The following ABLIM1 variants were observed in gnomAD, a reference collection of about 807,000 sequenced individuals.
The protein encoded by ABLIM1 is actin-binding LIM protein 1.
Under a neutral mutation model 107.0 loss-of-function variants are expected in ABLIM1, and 40 were observed. The observed-to-expected ratio is 0.37, with a 90% CI of 0.29 to 0.49. The LOEUF (loss-of-function observed/expected upper bound fraction) is 0.49, where lower values mean the gene tolerates loss of function less well. ABLIM1 is among the 20% of genes least tolerant of loss of function. The pLI is 0.97. For synonymous variants in ABLIM1, 357 were observed against 357.3 expected (o/e 1.00, Z 0.01); for missense variants, 857 against 1,008.5 (o/e 0.85, Z 2.04).
At chr10:114,516,494 A>G (rs969971802) in intron 6 of ABLIM1, among the ~76,000 whole-genome samples, 1 of 152,212 alleles carries the variant, frequency 6.6e-6, no homozygotes, top group African/African-American at 2.4e-5. Flanking sequence ...ACTGCACTCC[A>G]GCCTGGGTGA....
chr10:114,657,855 C>T (rs2079597213), intron 1 of ABLIM1, 102 bp downstream of exon 1: 7 of 1,003,746 alleles, frequency 7.0e-6, no homozygotes, highest in South Asian at 1.6e-5. Flanking sequence ...GATAGTGTTT[C>T]CTTTGAAGAA....
At chr10:114,738,756 A>G (rs1443906004) in intron 1 of ABLIM1, among the ~76,000 whole-genome samples, 2 of 151,552 alleles carry the variant, frequency 1.3e-5, no homozygotes, top group East Asian at 3.9e-4. Context: ...TGTTGGATCT[A>G]TAACAGATGG....
chr10:114,653,908 T>C (rs2079371614), intron 1 of ABLIM1, among the ~76,000 whole-genome samples: 1 of 152,234 alleles, frequency 6.6e-6, no homozygotes, highest in South Asian at 2.1e-4. Flanking sequence ...AAGGGTTGTT[T>C]TGAGCTTTAC....
intron 2 of ABLIM1, among the ~76,000 whole-genome samples, chr10:114,597,823 A>G (rs1356083189): frequency 6.6e-6 from 1 of 152,174 alleles, no homozygotes; most frequent in Non-Finnish European, 1.5e-5. Context: ...AAGCGATGAA[A>G]AAGGCACAGC....
At chr10:114,665,564 A>G (rs1247510062) in intron 1 of ABLIM1, among the ~76,000 whole-genome samples, 1 of 152,264 alleles carries the variant, frequency 6.6e-6, no homozygotes, top group East Asian at 1.9e-4. Context: ...TAGAGAGATA[A>G]CATGGCATGA....
chr10:114,548,118 A>G (rs1428001275), intron 4 of ABLIM1, among the ~76,000 whole-genome samples: 3 of 152,206 alleles, frequency 2.0e-5, no homozygotes, highest in Non-Finnish European at 4.4e-5. Flanking sequence ...TGATTTTAAG[A>G]AAGTGCGCAT....
chr10:114,541,013 A>G (rs1224355045), intron 6 of ABLIM1, among the ~76,000 whole-genome samples: 2 of 152,192 alleles, frequency 1.3e-5, no homozygotes, highest in Admixed American at 6.5e-5. Context: ...CCTGAATCCA[A>G]TGACAAGTGG....
intron 1 of ABLIM1, chr10:114,690,709 T>A (rs533497355): frequency 1.2e-4 from 54 of 445,698 alleles, no homozygotes; most frequent in Non-Finnish European, 2.0e-4. Context: ...TGAGATGGAG[T>A]CTTGCTTTGT....
At position 114,469,048 on chromosome 10, in the gene ABLIM1, T is replaced by C. The variant is rs530997674; in HGVS notation, c.1276-832A>G. On this transcript the variant is annotated intron_variant, in intron 10 of 22. Transcript: ENST00000533213. ...GCCTGGGAGACAGAGCGAGACTCTG[T>C]CTCAAAAAAAAAAAAAAAAAAAAAA... 6.5e-3 allele frequency among the ~76,000 whole-genome samples: 580 copies of C among 88,590 alleles called. 2 individuals carry two copies. The highest frequency in any genetic ancestry group is 0.015 in the South Asian group (31 of 2,020). 58.1% of individuals were successfully genotyped at this position (88,590 alleles called of 152,430 possible).
At chr10:114,452,613 T>C (rs74158006) in intron 13 of ABLIM1, among the ~76,000 whole-genome samples, 4,204 of 152,294 alleles carry the variant, frequency 0.028, 199 homozygotes, top group African/African-American at 0.097. Context: ...CTACTTTCAG[T>C]AGCTAAACAA....
chr10:114,546,578 A>C (rs1174152536), intron 5 of ABLIM1, among the ~76,000 whole-genome samples: 1 of 151,976 alleles, frequency 6.6e-6, no homozygotes, highest in Non-Finnish European at 1.5e-5. Context: ...TACAGGCATG[A>C]GCCACCGCAC....
At chr10:114,788,520 G>C in the ABLIM1 span, among the ~76,000 whole-genome samples, 3 of 151,804 alleles carry the variant, frequency 2.0e-5, no homozygotes, top group East Asian at 3.9e-4. Flanking sequence ...CTGAGGTCAG[G>C]AGTTTGAGAC....
In ABLIM1 at chr10:114,497,029, C is replaced by T. The variant is rs754619980; in HGVS notation, c.895-5151G>A. On this transcript the variant is annotated intron_variant, in intron 6 of 22. Transcript: ENST00000533213. ...GTGCATATGCAAATTTACCAAAAAT[C>T]AGATGTTGCTGAATCAAAATCATTT... 1.1e-3 allele frequency among the ~76,000 whole-genome samples: 168 copies of T among 152,362 alleles called. 2 individuals carry two copies. Among genetic ancestry groups the T allele is most frequent in the Non-Finnish European group, 3.5e-4 (24 of 68,040 alleles).
chr10:114,445,554 G>A (rs2139372714), intron 15 of ABLIM1, 151 bp from the exon 16 acceptor site: 2 of 655,854 alleles, frequency 3.0e-6, no homozygotes, highest in East Asian at 2.7e-5. Context: ...AAACAAAAAT[G>A]CCTGCCACCA....
intron 6 of ABLIM1, among the ~76,000 whole-genome samples, chr10:114,507,200 C>G (rs907425028): frequency 6.6e-6 from 1 of 151,606 alleles, no homozygotes; most frequent in Non-Finnish European, 1.5e-5. Flanking sequence ...ACTTCATCTC[C>G]TTTAATAAAC....
intron 1 of ABLIM1, among the ~76,000 whole-genome samples, chr10:114,694,079 C>G (rs1339067332): frequency 6.6e-6 from 1 of 152,154 alleles, no homozygotes; most frequent in Non-Finnish European, 1.5e-5. Context: ...AGTCAGTACT[C>G]CAGAAGTAAA....
chr10:114,564,222 C>A (rs2070297569), intron 4 of ABLIM1, among the ~76,000 whole-genome samples: 1 of 151,838 alleles, frequency 6.6e-6, no homozygotes, highest in South Asian at 2.1e-4. Context: ...TCAAGACACA[C>A]AATAACAAAG....
At chr10:114,526,567 G>A (rs951028879) in intron 6 of ABLIM1, 6 of 929,720 alleles carry the variant, frequency 6.5e-6, no homozygotes, top group Non-Finnish European at 7.7e-6. Context: ...TGGAGGATCC[G>A]AGCGGCCTCC....
upstream of ABLIM1, among the ~76,000 whole-genome samples, chr10:114,771,070 A>G (rs1383176067): frequency 6.6e-6 from 1 of 152,188 alleles, no homozygotes; most frequent in Non-Finnish European, 1.5e-5. Flanking sequence ...GCCTCAGGCA[A>G]ACTGCCCGCC....
Sources: gnomAD v4.1 joint callset for allele counts (sites outside exome capture counted in the v4.1 genomes callset) on GRCh38, gnomAD v4.1.1 for gene constraint, MANE v1.5 for transcripts, NCBI Gene and HGNC (gene_info 2026-07-23, HGNC 2026-07-21) for gene names.